The following TJP1 variants were observed in gnomAD, a reference collection of about 807,000 sequenced individuals.
The protein encoded by TJP1 is tight junction protein ZO-1.
TJP1 carries 43 observed loss-of-function variants against 194.2 expected under a neutral mutation model. The observed-to-expected ratio is 0.22, with a 90% CI of 0.17 to 0.29. The LOEUF (loss-of-function observed/expected upper bound fraction) is 0.29. Ranked by LOEUF, TJP1 falls within the 10% of genes least tolerant of loss-of-function variation. TJP1 has a pLI of 1.00. For missense variants in TJP1, 1,971 were observed against 2,185.7 expected (o/e 0.90, Z 1.96); for synonymous variants, 801 against 779.0 (o/e 1.03, Z -0.47).
intron 2 of TJP1, among the ~76,000 whole-genome samples, chr15:29,873,899 C>G (rs1020057338): frequency 7.2e-5 from 11 of 152,146 alleles, no homozygotes; most frequent in Non-Finnish European, 1.2e-4. Flanking sequence ...TTGCTGAGAA[C>G]AAGAAGTACG....
At chr15:29,953,453 A>G (rs2055829346) in intron 2 of TJP1, among the ~76,000 whole-genome samples, 1 of 152,126 alleles carries the variant, frequency 6.6e-6, no homozygotes, top group South Asian at 2.1e-4. Flanking sequence ...AAAAGACAGA[A>G]TTTTTAAAGT....
intron 2 of TJP1, among the ~76,000 whole-genome samples, chr15:29,907,236 C>T (rs1199439353): frequency 6.6e-6 from 1 of 151,900 alleles, no homozygotes; most frequent in Non-Finnish European, 1.5e-5. Flanking sequence ...AGTGAAACCC[C>T]ATCTCCACTA....
At chr15:29,943,500 C>T (rs1157009960) in intron 2 of TJP1, among the ~76,000 whole-genome samples, 7 of 151,230 alleles carry the variant, frequency 4.6e-5, no homozygotes, top group African/African-American at 1.5e-4. Context: ...TGGTGGCGTG[C>T]GCCTGTAATC....
Position 29,818,628 on chromosome 15 carries a change from C to T in TJP1, c.27+3374G>A, listed in dbSNP as rs2050100559. On this transcript the variant is annotated intron_variant, in intron 1 of 27. Coordinates refer to ENST00000614355, the MANE Select transcript of TJP1 (RefSeq NM_001330239.4). ...CAAGCGTTTCTCCTGCCTCAGCCTT[C>T]CCATTAGGGGGGATTACAGGTGCTC... Among the ~76,000 whole-genome samples the T allele has an allele frequency of 2.0e-5, 3 of 151,502 alleles. No individual in the cohort carries two copies. In the South Asian group the frequency reaches 6.2e-4, roughly 31 times the overall value.
chr15:29,808,008 C>CTGTA (rs1269859874), intron 1 of TJP1, among the ~76,000 whole-genome samples: 1 of 152,172 alleles, frequency 6.6e-6, no homozygotes, highest in East Asian at 1.9e-4. Context: ...TGGCTCACAC[C>CTGTA]TGTAATCCCA....
intron 5 of TJP1, 87 bp from the exon 6 acceptor site, chr15:29,762,525 A>G: frequency 1.1e-6 from 1 of 889,564 alleles, no homozygotes. Context: ...CTAATTAACT[A>G]CTGCATAGAG....
rs1017653071 is a variant in TJP1 at position 29,822,224 on chromosome 15, C to T, written c.-196G>A. ...AAGTCCGGGAAGCGCCCGCCCCGCC[C>T]GGGTCTTCTCCACGGGGCGCGCCCG... On this transcript the variant is annotated 5_prime_UTR_variant, in exon 1 of 28. Coordinates refer to ENST00000614355, the MANE Select transcript of TJP1 (RefSeq NM_001330239.4). The T allele has an allele frequency of 3.4e-6, 4 of 1,177,334 alleles. No homozygotes were observed. In the African/African-American group the frequency reaches 4.8e-5, roughly 14 times the overall value. The allele number at this position is 1,177,334 out of a possible 1,614,324, so 72.9% of individuals were successfully genotyped here. A position where few individuals can be genotyped will look rare whatever the true frequency, so the allele number is the denominator to read the frequency against.
chr15:29,784,590 G>A (rs898175174), intron 2 of TJP1, among the ~76,000 whole-genome samples: 3 of 151,976 alleles, frequency 2.0e-5, no homozygotes, highest in South Asian at 4.2e-4. Context: ...ATGAGTCACC[G>A]TACCCAGCCG....
At chr15:29,816,036 A>C in intron 1 of TJP1, among the ~76,000 whole-genome samples, 1 of 149,370 alleles carries the variant, frequency 6.7e-6, no homozygotes, top group Non-Finnish European at 1.5e-5. Flanking sequence ...TTTGAGACAG[A>C]CTCTCACTCT....
intron 2 of TJP1, among the ~76,000 whole-genome samples, chr15:29,848,012 T>A (rs1038438078): frequency 1.3e-5 from 2 of 152,182 alleles, no homozygotes; most frequent in Non-Finnish European, 2.9e-5. Flanking sequence ...TTAAAGCTTT[T>A]TCCTGTTGTG....
upstream of TJP1, chr15:29,822,634 C>G (rs919212130): frequency 3.5e-5 from 10 of 289,534 alleles, no homozygotes; most frequent in African/African-American, 2.3e-4. Context: ...GCCGGGTAAC[C>G]CAAGTAACTT....
chr15:29,831,314 GGATCAAAT>G (rs2050830935), intron 2 of TJP1, among the ~76,000 whole-genome samples: 1 of 152,134 alleles, frequency 6.6e-6, no homozygotes, highest in South Asian at 2.1e-4. Context: ...GATCATCAAA[GGATCAAAT>G]GATCAATCTT....
At chr15:29,916,146 G>A (rs1186848903) in intron 2 of TJP1, among the ~76,000 whole-genome samples, 1 of 151,236 alleles carries the variant, frequency 6.6e-6, no homozygotes, top group Non-Finnish European at 1.5e-5. Flanking sequence ...TCGGGAGGCT[G>A]AGGCAGCAAA....
intron 2 of TJP1, among the ~76,000 whole-genome samples, chr15:29,797,364 G>C (rs1019952090): frequency 1.6e-4 from 25 of 152,070 alleles, no homozygotes; most frequent in African/African-American, 4.8e-4. Context: ...TGGCCAGGCT[G>C]GTCTCAAATT....
rs1225853931 is a variant in TJP1, at chr15:29,949,245, TCAC to T, written c.306+6984_306+6986del. Reference sequence around the variant, plus strand: ...ACTTTCACCACCACTACCTCCACCTTCACCACCACCTCCACCACCACCACCTCC... The same window carrying T: ...ACTTTCACCACCACTACCTCCACCTTCACCACCTCCACCACCACCACCTCC... On this transcript the variant is annotated intron_variant, in intron 2 of 28. Coordinates refer to the TJP1 transcript ENST00000356107. 2.2e-3 allele frequency among the ~76,000 whole-genome samples: 73 copies of T among 33,438 alleles called. 1 individual carries two copies. The highest frequency in any genetic ancestry group is 0.01 in the African/African-American group (70 of 6,748). The allele number at this position is 33,438 out of a possible 152,430, so 21.9% of individuals were successfully genotyped here. A position where few individuals can be genotyped will look rare whatever the true frequency, so the allele number is the denominator to read the frequency against.
intron 2 of TJP1, among the ~76,000 whole-genome samples, chr15:29,912,835 A>G (rs1045761272): frequency 6.6e-6 from 1 of 152,166 alleles, no homozygotes; most frequent in African/African-American, 2.4e-5. Flanking sequence ...TGTACACCAA[A>G]TAGAGTGAAT....
intron 2 of TJP1, among the ~76,000 whole-genome samples, chr15:29,914,719 C>T (rs144546191): frequency 2.1e-3 from 326 of 152,220 alleles, no homozygotes; most frequent in Non-Finnish European, 3.9e-3. Flanking sequence ...AATGCTCATA[C>T]CTCAATTTAT....
intron 2 of TJP1, among the ~76,000 whole-genome samples, chr15:29,930,788 T>C (rs183345144): frequency 2.6e-5 from 4 of 152,262 alleles, no homozygotes; most frequent in Non-Finnish European, 5.9e-5. Flanking sequence ...AAGTCTGTCA[T>C]AATGTGCAGA....
At chr15:29,744,727 G>A (rs2044651585) in intron 8 of TJP1, among the ~76,000 whole-genome samples, 1 of 151,892 alleles carries the variant, frequency 6.6e-6, no homozygotes, top group South Asian at 2.1e-4. Flanking sequence ...AACATATACA[G>A]CCATACAGAG....
Sources: gnomAD v4.1 joint callset for allele counts (sites outside exome capture counted in the v4.1 genomes callset) on GRCh38, gnomAD v4.1.1 for gene constraint, MANE v1.5 for transcripts, NCBI Gene and HGNC (gene_info 2026-07-23, HGNC 2026-07-21) for gene names.